LMO7: variants seen among roughly 807,000 people sequenced by gnomAD.
LMO7 encodes LIM domain only protein 7.
In LMO7, 120 loss-of-function variants were observed where a neutral mutation model predicts 206.5. The observed-to-expected ratio is 0.58, with a 90% CI of 0.50 to 0.68. The LOEUF is 0.68. LMO7 is among the 30% of genes least tolerant of loss of function. The pLI, the probability that LMO7 is intolerant of heterozygous loss-of-function variation, is 0.00. For synonymous variants in LMO7, 706 were observed against 681.5 expected, an observed-to-expected ratio of 1.04 and a Z score of -0.56; for missense variants, 1,959 against 1,957.9, an observed-to-expected ratio of 1.00 and a Z score of -0.01.
chr13:75,691,775 A>G (rs1292517514), intron 1 of LMO7, among the ~76,000 whole-genome samples: 1 of 152,000 alleles, frequency 6.6e-6, no homozygotes, highest in East Asian at 1.9e-4. Context: ...AAACTATCCA[A>G]CATCCCTCCT....
At chr13:75,646,953 G>A (rs1301331699) in intron 1 of LMO7, among the ~76,000 whole-genome samples, 1 of 151,942 alleles carries the variant, frequency 6.6e-6, no homozygotes, top group Non-Finnish European at 1.5e-5. Flanking sequence ...ATTTACTTAC[G>A]TCTTAGCTTA....
In LMO7 at chr13:75,626,595, A is replaced by ATTTTTTTTTTTTTTTTT. The variant is rs1240937141; in HGVS notation, c.225+3282_225+3283insTTTTTTTTTTTTTTTTT. ...ATATATATTATATATATATATATAA[A>ATTTTTTTTTTTTTTTTT]TTTTTTTGAGACAGGGTCTCACTCT... On this transcript the variant is annotated intron_variant, in intron 2 of 29. Transcript: ENST00000341547. Among the ~76,000 whole-genome samples the ATTTTTTTTTTTTTTTTT allele has an allele frequency of 1.6e-3, 115 of 71,162 alleles. 2 individuals carry two copies. Among genetic ancestry groups the ATTTTTTTTTTTTTTTTT allele is most frequent in the African/African-American group, 3.4e-3 (95 of 27,626 alleles). The allele number at this position is 71,162 out of a possible 152,430, so 46.7% of individuals were successfully genotyped here. A position where few individuals can be genotyped will look rare whatever the true frequency, so the allele number is the denominator to read the frequency against.
intron 6 of LMO7, among the ~76,000 whole-genome samples, chr13:75,799,741 T>C (rs1198417395): frequency 1.3e-5 from 2 of 152,234 alleles, no homozygotes; most frequent in Admixed American, 6.5e-5. Flanking sequence ...GACAAAATTA[T>C]CTTCACCATA....
chr13:75,821,557 G>A lies in LMO7; in HGVS notation c.2588G>A (p.Arg863Lys). The change falls in exon 14 of 31, where the codon AGA becomes AAA. Residue 863 changes from arginine to lysine, a missense_variant. Transcript: ENST00000377534. ...AGGTTAACATCTGTGGTCACACCAA[G>A]ACCCTTTGGCTCTCAGACAAGGGGA... ...TVRLTSVVTP[R>K]PFGSQTRGIS... 1 of 1,614,018 alleles carries A rather than the reference G, an allele frequency of 6.2e-7. No individual in the cohort carries two copies. Among genetic ancestry groups the A allele is most frequent in the East Asian group, 2.2e-5 (1 of 44,862 alleles).
chr13:75,800,261 A>C (rs2054562062), intron 6 of LMO7, among the ~76,000 whole-genome samples: 1 of 152,202 alleles, frequency 6.6e-6, no homozygotes, highest in Admixed American at 6.5e-5. Context: ...TTGCTGATTT[A>C]TCTCCTTTTG....
rs1049843988 is a variant in LMO7 at position 75,823,722 on chromosome 13, G to A, written c.2798G>A (p.Arg933Lys). 4.3e-6 allele frequency: 7 copies of A among 1,614,008 alleles called. No individual in the cohort carries two copies. Among genetic ancestry groups the A allele is most frequent in the Non-Finnish European group, 4.2e-6 (5 of 1,180,014 alleles). ...EVAATEEDVT[R>K]LPSPTSPFSS... Reference sequence around the variant, plus strand: ...GCAGCAACAGAAGAAGATGTGACAAGGCTGCCCTCTCCTACATCCCCCTTC... The same window carrying A: ...GCAGCAACAGAAGAAGATGTGACAAAGCTGCCCTCTCCTACATCCCCCTTC... The change falls in exon 15 of 31, where the codon AGG becomes AAG. Residue 933 changes from arginine to lysine, a missense_variant. Arg to Lys is a conservative substitution (Grantham distance 26, BLOSUM62 2). Coordinates refer to ENST00000377534, the MANE Select transcript of LMO7 (RefSeq NM_001306080.2).
intron 1 of LMO7, among the ~76,000 whole-genome samples, chr13:75,647,350 G>A (rs2139086565): frequency 6.6e-6 from 1 of 152,104 alleles, no homozygotes; most frequent in East Asian, 1.9e-4. Context: ...TATTAGTTGG[G>A]TTTTCCCCTG....
At chr13:75,838,347 G>A (rs1267346844) in intron 20 of LMO7, 151 bp downstream of exon 20, 4 of 1,516,104 alleles carry the variant, frequency 2.6e-6, no homozygotes, top group Non-Finnish European at 2.7e-6. Flanking sequence ...CTTTCCCTAG[G>A]GTCATCAGGC....
intron 1 of LMO7, among the ~76,000 whole-genome samples, chr13:75,695,986 G>A (rs991326540): frequency 2.0e-5 from 3 of 152,230 alleles, no homozygotes; most frequent in Non-Finnish European, 4.4e-5. Flanking sequence ...GACTGCTGCA[G>A]TACTCAGAAT....
At chr13:75,755,883 C>T (rs567501087) in intron 3 of LMO7, among the ~76,000 whole-genome samples, 6 of 152,116 alleles carry the variant, frequency 3.9e-5, no homozygotes, top group East Asian at 3.9e-4. Context: ...AGTGATGCCT[C>T]GATTCTTCTT....
chr13:75,776,335 T>C (rs2050494553), intron 4 of LMO7, among the ~76,000 whole-genome samples: 1 of 150,988 alleles, frequency 6.6e-6, no homozygotes, highest in African/African-American at 2.4e-5. Context: ...TTCTGTATAG[T>C]CATTTCCCTT....
intron 2 of LMO7, among the ~76,000 whole-genome samples, chr13:75,717,893 C>T (rs771634461): frequency 2.0e-5 from 3 of 152,212 alleles, no homozygotes; most frequent in Non-Finnish European, 4.4e-5. Flanking sequence ...TACAGTGCTC[C>T]AGCATGCCAA....
intron 3 of LMO7, among the ~76,000 whole-genome samples, chr13:75,750,399 T>TC (rs1459674340): frequency 3.6e-4 from 33 of 91,888 alleles, no homozygotes; most frequent in African/African-American, 9.9e-4. Flanking sequence ...TTTTTTTTTT[T>TC]CCTTTTTGGA....
chr13:75,766,540 C>A (rs946832507), intron 4 of LMO7, among the ~76,000 whole-genome samples: 1 of 83,684 alleles, frequency 1.2e-5, no homozygotes, highest in East Asian at 5.1e-4. Context: ...TGGAGACCTG[C>A]CCTCAGTGGG....
upstream of LMO7, chr13:75,631,609 C>T (rs2034961252): frequency 6.6e-6 from 1 of 152,252 alleles, no homozygotes; most frequent in African/African-American, 2.4e-5. Flanking sequence ...CCAGGGTCTA[C>T]TGTAAAGGCC....
intron 26 of LMO7, among the ~76,000 whole-genome samples, chr13:75,846,937 A>G (rs2060040492): frequency 6.6e-6 from 1 of 151,360 alleles, no homozygotes; most frequent in South Asian, 2.1e-4. Context: ...AGGATGAGGC[A>G]GGAGAATTGC....
chr13:75,796,542 G>A, intron 5 of LMO7, 94 bp from the exon 6 acceptor site: 1 of 670,624 alleles, frequency 1.5e-6, no homozygotes, highest in Non-Finnish European at 2.7e-6. Context: ...AGTAATATGT[G>A]CTATCATTTA....
intron 2 of LMO7, chr13:75,631,210 A>T (rs1468671239): frequency 1.3e-5 from 2 of 150,508 alleles, no homozygotes; most frequent in African/African-American, 4.9e-5. Context: ...TATTTTTAGT[A>T]GGGGTTTCAC....
At chr13:75,622,652 A>T (rs1221726128) in intron 1 of LMO7, among the ~76,000 whole-genome samples, 2 of 152,182 alleles carry the variant, frequency 1.3e-5, no homozygotes, top group Non-Finnish European at 2.9e-5. Flanking sequence ...ATTTACGATC[A>T]CTCTCCTAAC....
Sources: allele counts gnomAD v4.1 joint callset (sites outside exome capture counted in the v4.1 genomes callset), GRCh38; gene constraint gnomAD v4.1.1; transcripts MANE v1.5; gene names NCBI Gene and HGNC (gene_info 2026-07-23, HGNC 2026-07-21).